Variants in DIAPH1 observed in about 807,000 individuals in gnomAD.
DIAPH1 encodes protein diaphanous homolog 1.
Under a neutral mutation model 140.7 loss-of-function variants are expected in DIAPH1, and 46 were observed. The ratio of observed to expected loss-of-function variants is 0.33; its 90% CI spans 0.26 to 0.42. The LOEUF is 0.42. Ranked by LOEUF, DIAPH1 falls within the 10% of genes least tolerant of loss-of-function variation. The probability of loss-of-function intolerance (pLI) is 1.00; values close to 1 mark genes in which losing one functional copy is unlikely to be tolerated. For synonymous variants in DIAPH1, 565 were observed against 551.6 expected (o/e 1.02, Z -0.34); for missense variants, 1,310 against 1,558.7 (o/e 0.84, Z 2.69).
chr5:141,556,650 G>T (rs1177575932), intron 18 of DIAPH1, among the ~76,000 whole-genome samples: 1 of 152,126 alleles, frequency 6.6e-6, no homozygotes, highest in African/African-American at 2.4e-5. Context: ...GTCTGGCTTT[G>T]TATCTTCTCA....
intron 9 of DIAPH1, 86 bp downstream of exon 9, chr5:141,579,002 C>T (rs2099896359): frequency 2.0e-6 from 2 of 978,516 alleles, no homozygotes; most frequent in South Asian, 2.6e-5. Context: ...GGAGGCACTC[C>T]ATGTATTTTA....
chr5:141,616,230 G>A (rs527813530), intron 1 of DIAPH1, among the ~76,000 whole-genome samples: 1 of 152,326 alleles, frequency 6.6e-6, no homozygotes, highest in African/African-American at 2.4e-5. Context: ...CAGAGGGTAA[G>A]AGCAGATCTC....
chr5:141,578,460 G>T, intron 10 of DIAPH1, 55 bp downstream of exon 10: 1 of 1,536,428 alleles, frequency 6.5e-7, no homozygotes, highest in African/African-American at 1.4e-5. Context: ...GATTATTGGG[G>T]CTGTAGAGCA....
intron 1 of DIAPH1, among the ~76,000 whole-genome samples, chr5:141,604,646 G>A (rs1366167900): frequency 6.6e-6 from 1 of 152,200 alleles, no homozygotes; most frequent in Admixed American, 6.5e-5. Flanking sequence ...CACCAAGTAT[G>A]AGGACACCTT....
At position 141,609,018 on chromosome 5, in the gene DIAPH1, A is replaced by C. The variant is rs147588192; in HGVS notation, c.117+9780T>G. 2.6e-5 allele frequency among the ~76,000 whole-genome samples: 4 copies of C among 152,328 alleles called. No individual in the cohort carries two copies. In the East Asian group the frequency reaches 7.7e-4, roughly 29 times the overall value. On this transcript the variant is annotated intron_variant, in intron 1 of 27. Transcript: ENST00000389054. ...CTACTTACAAAGGAGACACAGTTAC[A>C]TTAAAAAATAATAATTTAAGCATCA... is the stretch of plus-strand genomic sequence containing the variant.
rs1562324613 is a variant in DIAPH1 at position 141,577,389 on chromosome 5, T to C, written c.1280+86A>G. 4 of 999,900 alleles carry C rather than the reference T, an allele frequency of 4.0e-6. No homozygotes were observed. The African/African-American group carries it at 4.8e-5, about 12-fold the overall frequency. The allele number at this position is 999,900 out of a possible 1,614,324, so 61.9% of individuals were successfully genotyped here. A position where few individuals can be genotyped will look rare whatever the true frequency, so the allele number is the denominator to read the frequency against. ...TTGGGTCTTTGTCTTTACATTTTCC[T>C]TTTACAGAACAATCTTTGAATTTAA... On this transcript the variant is annotated intron_variant, in intron 12 of 27. Coordinates refer to ENST00000389054, the MANE Select transcript of DIAPH1 (RefSeq NM_005219.5).
In DIAPH1 at chr5:141,580,850, C is replaced by T; in HGVS notation, c.718G>A (p.Gly240Arg). 1 of 1,614,144 alleles carries T rather than the reference C, an allele frequency of 6.2e-7. No homozygotes were observed. Among genetic ancestry groups the T allele is most frequent in the Non-Finnish European group, 8.5e-7 (1 of 1,180,028 alleles). The change falls in exon 8 of 28, where the codon GGA (glycine) becomes AGA (arginine). Residue 240 changes from glycine to arginine, a missense_variant. Physicochemically the swap from Gly to Arg is moderately radical, Grantham distance 125. This residue lies in a region of DIAPH1 where 377 missense variants were observed against 497.1 expected (regional missense o/e 0.76). Coordinates refer to ENST00000389054, the MANE Select transcript of DIAPH1 (RefSeq NM_005219.5). ...GIKTMLETEE[G>R]ILLLVRAMDP... ...ATGGCTCTGACCAGCAGTAGGATTC[C>T]TTCTTCTGTCTCCAACATGGTCTTG...
At chr5:141,569,837 T>C (rs1467314227) in intron 18 of DIAPH1, among the ~76,000 whole-genome samples, 2 of 152,112 alleles carry the variant, frequency 1.3e-5, no homozygotes, top group Admixed American at 1.3e-4. Context: ...ATACTAGAGA[T>C]GTTTAAAGCA....
chr5:141,557,418 CTT>C (rs1396388687), intron 18 of DIAPH1, among the ~76,000 whole-genome samples: 3 of 152,048 alleles, frequency 2.0e-5, no homozygotes, highest in African/African-American at 4.8e-5. Flanking sequence ...ATACTAGTCT[CTT>C]TACATATATG....
chr5:141,558,090 T>TGAAA (rs1347512279), intron 18 of DIAPH1, among the ~76,000 whole-genome samples: 66 of 152,256 alleles, frequency 4.3e-4, no homozygotes, highest in African/African-American at 1.6e-3. Context: ...CTTTTGCATT[T>TGAAA]CAAACGAATC....
chr5:141,552,618 A>C (rs933591649), intron 18 of DIAPH1, among the ~76,000 whole-genome samples: 4 of 152,234 alleles, frequency 2.6e-5, no homozygotes, highest in Admixed American at 6.5e-5. Context: ...ACTGTAAGAT[A>C]ATACGTTTGC....
chr5:141,522,592 A>C (rs905845969), intron 27 of DIAPH1, among the ~76,000 whole-genome samples: 2 of 152,090 alleles, frequency 1.3e-5, no homozygotes, highest in East Asian at 1.9e-4. Flanking sequence ...AAAAAAAAAA[A>C]AAAAAACAAT....
intron 18 of DIAPH1, among the ~76,000 whole-genome samples, chr5:141,541,553 T>TG (rs1353993658): frequency 2.0e-5 from 3 of 150,840 alleles, no homozygotes; most frequent in Non-Finnish European, 4.4e-5. Flanking sequence ...CTGGTGGTGG[T>TG]GTGTGCCTGT....
Position 141,527,699 on chromosome 5 carries a change from TAAAAAAAAA to T in DIAPH1, c.3149-11_3149-3del, listed in dbSNP as rs79558427. The T allele has an allele frequency of 1.8e-6, 2 of 1,132,606 alleles. No individual in the cohort carries two copies. The highest frequency in any genetic ancestry group is 4.2e-5 in the Admixed American group (1 of 24,018). The allele number at this position is 1,132,606 out of a possible 1,614,324, so 70.2% of individuals were successfully genotyped here. ...TCTTTTGCAAGTTTTCAGCAGAAAC[TAAAAAAAAA>T]AAAAAAAAAAAAAACCATAAAAACA... On this transcript the variant is annotated splice_polypyrimidine_tract_variant and splice_region_variant and intron_variant, in intron 23 of 27. Coordinates refer to ENST00000389054, the MANE Select transcript of DIAPH1 (RefSeq NM_005219.5).
At chr5:141,602,207 T>C (rs1461065614) in intron 1 of DIAPH1, among the ~76,000 whole-genome samples, 1 of 152,140 alleles carries the variant, frequency 6.6e-6, no homozygotes, top group Non-Finnish European at 1.5e-5. Context: ...CTGATCTAGC[T>C]TTGCCACAAA....
At chr5:141,542,577 G>T (rs1200995381) in intron 18 of DIAPH1, among the ~76,000 whole-genome samples, 1 of 152,142 alleles carries the variant, frequency 6.6e-6, no homozygotes, top group African/African-American at 2.4e-5. Context: ...AAAACATCAT[G>T]CTAAAGTGAA....
chr5:141,529,491 G>A (rs1483168645), intron 20 of DIAPH1, 112 bp downstream of exon 20: 3 of 1,070,072 alleles, frequency 2.8e-6, no homozygotes, highest in Non-Finnish European at 4.3e-6. Context: ...CTCAAAGCCA[G>A]CATTCATAAG....
chr5:141,618,141 G>A (rs2154597536), intron 1 of DIAPH1, among the ~76,000 whole-genome samples: 1 of 152,338 alleles, frequency 6.6e-6, no homozygotes, highest in East Asian at 1.9e-4. Flanking sequence ...GAGGAATACT[G>A]GTAAACAAAT....
chr5:141,537,483 CAAAAAAAAAAAAAA>C (rs34323841), intron 18 of DIAPH1, among the ~76,000 whole-genome samples: 917 of 37,014 alleles, frequency 0.025, 22 homozygotes, highest in Non-Finnish European at 0.029. Context: ...AACTCCGTCT[CAAAAAAAAAAAAAA>C]AAAAAAAAAA....
Sources: allele counts gnomAD v4.1 joint callset (sites outside exome capture counted in the v4.1 genomes callset), GRCh38; gene constraint gnomAD v4.1.1; regional missense constraint gnomAD v4.1.1; transcripts MANE v1.5; gene names NCBI Gene and HGNC (gene_info 2026-07-23, HGNC 2026-07-21).